The following CNGA1 variants were observed in gnomAD, a reference collection of about 807,000 sequenced individuals.
The protein encoded by CNGA1 is cyclic nucleotide gated channel subunit alpha 1.
CNGA1 carries 53 observed loss-of-function variants against 69.7 expected under a neutral mutation model. The observed-to-expected ratio is 0.76, with a 90% CI of 0.61 to 0.96. CNGA1 has a LOEUF of 0.96. Ranked by LOEUF, CNGA1 falls within the 40% of genes least tolerant of loss-of-function variation. CNGA1 has a pLI of 0.00. For synonymous variants in CNGA1, 249 were observed against 283.5 expected (o/e 0.88, Z 1.22); for missense variants, 739 against 811.2 (o/e 0.91, Z 1.08).
chr4:48,010,853 T>C lies in CNGA1; in HGVS notation c.-182A>G, dbSNP rs1715125146. ...GGTCTGCGATGGCAGCAAACGACAG[T>C]GGTGGGCAGTGGTGGACGGCAAGCG... On this transcript the variant is annotated 5_prime_UTR_variant, in exon 2 of 11. Coordinates refer to ENST00000514170, the MANE Select transcript of CNGA1 (RefSeq NM_001379270.1). 1 of 153,400 alleles carries C rather than the reference T, an allele frequency of 6.5e-6. No homozygotes were observed. Among genetic ancestry groups the C allele is most frequent in the Non-Finnish European group, 1.5e-5 (1 of 68,626 alleles). The allele number at this position is 153,400 out of a possible 1,614,324, so 9.5% of individuals were successfully genotyped here.
rs1488778000 is a variant in CNGA1, at chr4:47,984,638, AAT to A, written c.-122-3140_-122-3139del. 9.9e-3 allele frequency among the ~76,000 whole-genome samples: 1,145 copies of A among 115,782 alleles called. 4 individuals carry two copies. The highest frequency in any genetic ancestry group is 0.016 in the Non-Finnish European group (925 of 58,264). 76.0% of individuals were successfully genotyped at this position (115,782 alleles called of 152,430 possible). ...TCCATCTCAAAAAAACAAACAAACA[AAT>A]AAAAAAAATATATATATATATATAC... On this transcript the variant is annotated intron_variant, in intron 2 of 10. Coordinates refer to ENST00000514170, the MANE Select transcript of CNGA1 (RefSeq NM_001379270.1).
At chr4:48,009,320 G>A (rs2109354520) in intron 2 of CNGA1, among the ~76,000 whole-genome samples, 1 of 152,006 alleles carries the variant, frequency 6.6e-6, no homozygotes, top group African/African-American at 2.4e-5. Context: ...CGAAAAATTA[G>A]CCGAGGGTGG....
chr4:47,950,001 T>C, intron 5 of CNGA1, 106 bp from the exon 6 acceptor site: 1 of 887,116 alleles, frequency 1.1e-6, no homozygotes, highest in Non-Finnish European at 1.9e-6. Context: ...TTTCTACTCA[T>C]TACTAAAGAC....
At chr4:47,990,607 T>A (rs1002849791) in intron 2 of CNGA1, among the ~76,000 whole-genome samples, 1 of 152,158 alleles carries the variant, frequency 6.6e-6, no homozygotes, top group Non-Finnish European at 1.5e-5. Flanking sequence ...CCTTGTGACC[T>A]ACTCCCTGTT....
chr4:47,940,788 G>C lies in CNGA1; in HGVS notation c.627C>G (p.Ile209Met). 6.2e-7 allele frequency: 1 copy of C among 1,606,120 alleles called. No individual in the cohort carries two copies. Among genetic ancestry groups the C allele is most frequent in the East Asian group, 2.2e-5 (1 of 44,772 alleles). ...CTGTCCTTGTTCGTACAAACATATC[G>C]ATTAAATAGACTATGTCTGATACGT... ...LDYVSDIVYL[I>M]DMFVRTRTGY... is the part of the protein sequence containing the mutation. The change falls in exon 10 of 11, where the codon ATC becomes ATG. Residue 209 changes from isoleucine to methionine, a missense_variant. Physicochemically the swap from Ile to Met is conservative, Grantham distance 10 (BLOSUM62 1). Transcript: ENST00000514170.
intron 10 of CNGA1, among the ~76,000 whole-genome samples, chr4:47,939,902 C>T (rs932245546): frequency 6.6e-6 from 1 of 152,188 alleles, no homozygotes; most frequent in African/African-American, 2.4e-5. Context: ...ATCGTGGACG[C>T]TTGGGTACTT....
Position 47,940,768 on chromosome 4 carries a change from C to T in CNGA1, c.647G>A (p.Arg216Lys), listed in dbSNP as rs747484315. ...VYLIDMFVRT[R>K]TGYLEQGLLV... ...TCAAAACTGAACATATTTACCTGTC[C>T]TTGTTCGTACAAACATATCGATTAA... is the stretch of plus-strand genomic sequence containing the variant. The change falls in exon 10 of 11, where the codon AGG (arginine) becomes AAG (lysine). Residue 216 changes from arginine (R) to lysine (K), a missense_variant. Coordinates refer to ENST00000514170, the MANE Select transcript of CNGA1 (RefSeq NM_001379270.1). 11 of 1,581,800 alleles carry T rather than the reference C, an allele frequency of 7.0e-6. No homozygotes were observed. The highest frequency in any genetic ancestry group is 1.7e-6 in the Non-Finnish European group (2 of 1,151,282).
At chr4:47,948,915 C>T (rs1332758737) in intron 6 of CNGA1, among the ~76,000 whole-genome samples, 2 of 152,042 alleles carry the variant, frequency 1.3e-5, no homozygotes, top group Admixed American at 6.5e-5. Context: ...TGAGTAGAAG[C>T]GGAGAGGGTG....
At chr4:47,977,020 A>G (rs1419736551) in intron 3 of CNGA1, among the ~76,000 whole-genome samples, 1 of 152,130 alleles carries the variant, frequency 6.6e-6, no homozygotes, top group Non-Finnish European at 1.5e-5. Context: ...ACAGTAGAGG[A>G]AATGAGCTTT....
At chr4:47,996,456 T>TAAC in intron 2 of CNGA1, among the ~76,000 whole-genome samples, 1 of 152,350 alleles carries the variant, frequency 6.6e-6, no homozygotes, top group Admixed American at 6.5e-5. Flanking sequence ...AACCTTGTTG[T>TAAC]TGCCATTTTT....
rs1578060849 is a variant in CNGA1, at chr4:47,937,420, C to A, written c.1062G>T (p.Leu354=). Residue 354 remains leucine (L), a synonymous_variant, in exon 11 of 11, where the codon CTG becomes CTT. Coordinates refer to ENST00000514170, the MANE Select transcript of CNGA1 (RefSeq NM_001379270.1). ...GTGTTTCACCAATGGTAGTCAAAGT[C>A]AGTGTAGACCAGTAAAGGCTGTATA... ...KYVYSLYWST[L]TLTTIGETPP... The A allele has an allele frequency of 1.2e-6, 2 of 1,614,048 alleles. No homozygotes were observed.
At chr4:47,988,536 A>C (rs996556680) in intron 2 of CNGA1, among the ~76,000 whole-genome samples, 2 of 152,160 alleles carry the variant, frequency 1.3e-5, no homozygotes, top group African/African-American at 4.8e-5. Context: ...AAAAATAATA[A>C]TAATGAAATA....
At chr4:47,959,541 GA>G (rs1336806626) in intron 3 of CNGA1, among the ~76,000 whole-genome samples, 12 of 152,074 alleles carry the variant, frequency 7.9e-5, no homozygotes, top group Non-Finnish European at 1.6e-4. Flanking sequence ...TAAAACATAG[GA>G]AAATAGTCTC....
chr4:47,960,471 T>C (rs992327662), intron 3 of CNGA1, among the ~76,000 whole-genome samples: 1 of 152,198 alleles, frequency 6.6e-6, no homozygotes, highest in African/African-American at 2.4e-5. Context: ...CCTCATGACC[T>C]TGGGATAGGC....
intron 2 of CNGA1, among the ~76,000 whole-genome samples, chr4:47,999,876 CTAA>C (rs966324193): frequency 2.0e-5 from 3 of 151,758 alleles, no homozygotes; most frequent in Non-Finnish European, 4.4e-5. Flanking sequence ...CATTTCAAAA[CTAA>C]TAATAATAAT....
chr4:48,006,156 C>T (rs533234568), intron 2 of CNGA1, among the ~76,000 whole-genome samples: 2 of 152,074 alleles, frequency 1.3e-5, no homozygotes, highest in African/African-American at 4.8e-5. Context: ...TTTTATCTCT[C>T]CATGAGTCCT....
intron 2 of CNGA1, among the ~76,000 whole-genome samples, chr4:48,009,450 G>A (rs1715053791): frequency 7.9e-6 from 1 of 125,848 alleles, no homozygotes; most frequent in Admixed American, 8.9e-5. Flanking sequence ...GGGCAACAGA[G>A]CCAGAGTCTG....
At chr4:47,947,039 G>A (rs933508690) in intron 6 of CNGA1, among the ~76,000 whole-genome samples, 19 of 152,054 alleles carry the variant, frequency 1.2e-4, no homozygotes, top group East Asian at 3.9e-4. Context: ...TGCCTGCCTC[G>A]GCCTCCCAAA....
chr4:47,988,486 A>G (rs925204027), intron 2 of CNGA1, among the ~76,000 whole-genome samples: 4 of 152,136 alleles, frequency 2.6e-5, no homozygotes, highest in Non-Finnish European at 4.4e-5. Flanking sequence ...GAGTAGCAAC[A>G]TTAATAATGA....
Sources: gnomAD v4.1 joint callset for allele counts (sites outside exome capture counted in the v4.1 genomes callset) on GRCh38, gnomAD v4.1.1 for gene constraint, MANE v1.5 for transcripts, NCBI Gene and HGNC (gene_info 2026-07-23, HGNC 2026-07-21) for gene names.